The following UBE2G2 variants were observed in gnomAD, a reference collection of about 807,000 sequenced individuals.
The protein encoded by UBE2G2 is ubiquitin conjugating enzyme E2 G2, also known as ubiquitin-conjugating enzyme E2 G2.
Under a neutral mutation model 23.0 loss-of-function variants are expected in UBE2G2, and 10 were observed. That is an observed-to-expected ratio of 0.43 (90% confidence interval 0.27 to 0.74). UBE2G2 has a LOEUF of 0.74. Ranked by LOEUF, UBE2G2 falls within the 30% of genes least tolerant of loss-of-function variation. UBE2G2 has a pLI of 0.19. For synonymous variants in UBE2G2, 86 were observed against 81.3 expected, an observed-to-expected ratio of 1.06 and a Z score of -0.31; for missense variants, 150 against 218.3, an observed-to-expected ratio of 0.69 and a Z score of 1.97.
At chr21:44,781,602 C>T (rs1210542398) in intron 3 of UBE2G2, among the ~76,000 whole-genome samples, 2 of 152,162 alleles carry the variant, frequency 1.3e-5, no homozygotes, top group South Asian at 2.1e-4. Flanking sequence ...TGTAAGAAGC[C>T]GTGATTTGGG....
At chr21:44,799,908 C>A (rs1764109698) in intron 1 of UBE2G2, 1 of 152,232 alleles carries the variant, frequency 6.6e-6, no homozygotes, top group Non-Finnish European at 1.5e-5. Context: ...GCCCACTGTA[C>A]AGTTACTATT....
chr21:44,789,687 G>C (rs1023741106), intron 1 of UBE2G2, among the ~76,000 whole-genome samples: 2 of 152,102 alleles, frequency 1.3e-5, no homozygotes, highest in Admixed American at 1.3e-4. Context: ...TAGGTAAGAA[G>C]AAAAATGGAG....
chr21:44,794,574 A>T (rs1319202877), intron 1 of UBE2G2, among the ~76,000 whole-genome samples: 2 of 146,390 alleles, frequency 1.4e-5, no homozygotes, highest in Non-Finnish European at 3.0e-5. Context: ...TCGCTCTGTC[A>T]CCCAGGCTGG....
chr21:44,777,341 G>T lies in UBE2G2; in HGVS notation c.202C>A (p.Pro68Thr). The change falls in exon 4 of 6, where the codon CCC becomes ACC. Residue 68 changes from proline (P) to threonine (T), a missense_variant. By Grantham distance (38) the Pro-to-Thr change is conservative. Transcript: ENST00000345496. ...LSFPLDYPLS[P>T]PKMRFTCEMF... ...TCACAGGTAAATCTCATCTTTGGGG[G>T]ACTTAACGGGTAATCAAGTGGGAAA... 3 of 1,614,028 alleles carry T rather than the reference G, an allele frequency of 1.9e-6. No homozygotes were observed. The highest frequency in any genetic ancestry group is 2.5e-6 in the Non-Finnish European group (3 of 1,180,010).
intron 4 of UBE2G2, 115 bp from the exon 5 acceptor site, chr21:44,773,802 G>T (rs1439600060): frequency 3.5e-6 from 5 of 1,412,672 alleles, no homozygotes; most frequent in Non-Finnish European, 4.7e-6. Flanking sequence ...CAACCAAGCT[G>T]TTTGCACAGC....
In UBE2G2 at chr21:44,768,949, A is replaced by G. The variant is rs235353; in HGVS notation, c.*2428T>C. On this transcript the variant is annotated 3_prime_UTR_variant, in exon 6 of 6. Coordinates refer to ENST00000345496, the MANE Select transcript of UBE2G2 (RefSeq NM_003343.6). The stretch of plus-strand genomic sequence containing the variant: ...AACCCAAGTCTGCAGAAAAGCCCCC[A>G]CCGTGAGGAATCCCAGCTGGGATGA... 119,521 of 152,102 alleles carry G rather than the reference A, an allele frequency of 0.79. 47,535 individuals are homozygous for G. The highest frequency in any genetic ancestry group is 0.92 in the African/African-American group (37,994 of 41,482). 9.4% of individuals were successfully genotyped at this position (152,102 alleles called of 1,614,324 possible).
chr21:44,773,796 C>G, intron 4 of UBE2G2, 109 bp from the exon 5 acceptor site: 3 of 1,445,064 alleles, frequency 2.1e-6, no homozygotes, highest in Non-Finnish European at 2.8e-6. Context: ...ACACAGCAAC[C>G]AAGCTGTTTG....
intron 1 of UBE2G2, among the ~76,000 whole-genome samples, chr21:44,799,062 G>A (rs77462914): frequency 0.13 from 19,792 of 152,200 alleles, 1,464 homozygotes; most frequent in Middle Eastern, 0.22. Flanking sequence ...GTCAGGAATA[G>A]TATTTTGAAG....
chr21:44,796,745 G>C (rs1555963877), intron 1 of UBE2G2, among the ~76,000 whole-genome samples: 1 of 152,210 alleles, frequency 6.6e-6, no homozygotes, highest in Non-Finnish European at 1.5e-5. Flanking sequence ...TCTCTGCTCA[G>C]AGTCTCACCA....
chr21:44,787,844 G>A (rs1475708835), intron 3 of UBE2G2, 76 bp downstream of exon 3: 1 of 1,523,624 alleles, frequency 6.6e-7, no homozygotes, highest in Non-Finnish European at 9.0e-7. Context: ...TTTGGACACA[G>A]TCACACTGCT....
intron 5 of UBE2G2, among the ~76,000 whole-genome samples, chr21:44,773,269 G>A (rs1569292475): frequency 6.6e-6 from 1 of 152,322 alleles, no homozygotes; most frequent in East Asian, 1.9e-4. Flanking sequence ...TGTGTGGCAT[G>A]TAGTGGGTCC....
intron 3 of UBE2G2, among the ~76,000 whole-genome samples, chr21:44,784,707 G>A (rs1242741971): frequency 6.6e-6 from 1 of 152,084 alleles, no homozygotes; most frequent in African/African-American, 2.4e-5. Context: ...CCTCAAGCTG[G>A]CTGCCATGAG....
At chr21:44,799,926 T>C (rs1237718170) in intron 1 of UBE2G2, 1 of 152,232 alleles carries the variant, frequency 6.6e-6, no homozygotes, top group East Asian at 1.9e-4. Flanking sequence ...ATTGGCCTAA[T>C]TTCAATGTTG....
chr21:44,798,953 C>T (rs567238999), intron 1 of UBE2G2, among the ~76,000 whole-genome samples: 7 of 152,296 alleles, frequency 4.6e-5, no homozygotes, highest in South Asian at 2.1e-4. Flanking sequence ...AAAGTGCTCC[C>T]GGATCCATGG....
chr21:44,779,381 GT>G (rs2082939252), intron 3 of UBE2G2, among the ~76,000 whole-genome samples: 2 of 118,236 alleles, frequency 1.7e-5, no homozygotes, highest in East Asian at 3.0e-4. Context: ...TGGGGGGGGG[GT>G]ACTGTGTGAC....
intron 5 of UBE2G2, among the ~76,000 whole-genome samples, chr21:44,773,010 G>C (rs1452989380): frequency 6.6e-6 from 1 of 152,132 alleles, no homozygotes; most frequent in African/African-American, 2.4e-5. Context: ...TCCTGCCTCT[G>C]GGCCTCAGCC....
Position 44,771,989 on chromosome 21 carries a change from A to G in UBE2G2, c.386-500T>C, listed in dbSNP as rs1214911566. ...CAGCCTAAGGTAGACACCTGACCCCAGGATACCTGACCCACCCCCTAGCCA... is the reference window on the plus strand; with the variant it reads ...CAGCCTAAGGTAGACACCTGACCCCGGGATACCTGACCCACCCCCTAGCCA... On this transcript the variant is annotated intron_variant, in intron 5 of 5. Transcript: ENST00000345496. This position sits in a 1 kb window ranked among gnomAD's most constrained non-coding sequence, Gnocchi z 4.6. Among the ~76,000 whole-genome samples the G allele has an allele frequency of 8.5e-5, 13 of 152,170 alleles. No individual in the cohort carries two copies. Among genetic ancestry groups the G allele is most frequent in the African/African-American group, 3.1e-4 (13 of 41,448 alleles).
intron 1 of UBE2G2, among the ~76,000 whole-genome samples, chr21:44,790,592 T>A (rs559947928): frequency 6.6e-6 from 1 of 152,340 alleles, no homozygotes; most frequent in South Asian, 2.1e-4. Context: ...GGTGGTTTTA[T>A]AAGTGTTCGA....
At chr21:44,780,574 T>C (rs1211612780) in intron 3 of UBE2G2, among the ~76,000 whole-genome samples, 1 of 152,236 alleles carries the variant, frequency 6.6e-6, no homozygotes, top group East Asian at 1.9e-4. Flanking sequence ...AAGCATTAGA[T>C]TAAGCATCAT....
Sources: allele counts gnomAD v4.1 joint callset (sites outside exome capture counted in the v4.1 genomes callset), GRCh38; gene constraint gnomAD v4.1.1; non-coding constraint Gnocchi (gnomAD v3.1); transcripts MANE v1.5; gene names NCBI Gene and HGNC (gene_info 2026-07-23, HGNC 2026-07-21).